Variants in TTLL1 observed in about 807,000 individuals in gnomAD.
The protein encoded by TTLL1 is TTL family tubulin polyglutamylase complex subunit L1.
TTLL1 carries 33 observed loss-of-function variants against 47.8 expected under a neutral mutation model. The ratio of observed to expected loss-of-function variants is 0.69; its 90% CI spans 0.52 to 0.92. The LOEUF (loss-of-function observed/expected upper bound fraction) is 0.92, where lower values mean the gene tolerates loss of function less well. Among genes scored for constraint, TTLL1 ranks in the 40% least tolerant of loss-of-function variants. The pLI, the probability that TTLL1 is intolerant of heterozygous loss-of-function variation, is 0.00. For synonymous variants in TTLL1, 225 were observed against 214.1 expected, an observed-to-expected ratio of 1.05 and a Z score of -0.45; for missense variants, 488 against 547.5, an observed-to-expected ratio of 0.89 and a Z score of 1.08.
intron 2 of TTLL1, among the ~76,000 whole-genome samples, chr22:43,077,358 A>G (rs1928575567): frequency 6.6e-6 from 1 of 151,772 alleles, no homozygotes; most frequent in Non-Finnish European, 1.5e-5. Flanking sequence ...GCCGCCTCCC[A>G]CTCATCTGCC....
intron 9 of TTLL1, among the ~76,000 whole-genome samples, chr22:43,051,309 G>A (rs748347845): frequency 2.6e-5 from 4 of 152,216 alleles, no homozygotes; most frequent in African/African-American, 2.4e-5. Context: ...TAGCCAACAC[G>A]ACATCCTCTC....
At chr22:43,076,325 G>A (rs1236141487) in intron 2 of TTLL1, among the ~76,000 whole-genome samples, 1 of 152,080 alleles carries the variant, frequency 6.6e-6, no homozygotes, top group Non-Finnish European at 1.5e-5. Context: ...GTGTGGTTGT[G>A]CGCACCCGTA....
intron 8 of TTLL1, among the ~76,000 whole-genome samples, chr22:43,059,103 C>T (rs1321183952): frequency 2.0e-5 from 3 of 152,238 alleles, no homozygotes; most frequent in African/African-American, 7.2e-5. Flanking sequence ...GATTCTCCTG[C>T]CTCAGCCTCC....
At chr22:43,062,491 T>TA (rs1218241432) in intron 7 of TTLL1, among the ~76,000 whole-genome samples, 18,962 of 126,160 alleles carry the variant, frequency 0.15, 1,920 homozygotes, top group East Asian at 0.42. Flanking sequence ...CTCTGTCTCT[T>TA]AAAAAAAAAA....
intron 1 of TTLL1, among the ~76,000 whole-genome samples, chr22:43,085,745 T>C (rs985733707): frequency 1.4e-4 from 21 of 152,100 alleles, no homozygotes; most frequent in African/African-American, 5.1e-4. Flanking sequence ...ATGAGGAAAA[T>C]GGGGGCCAGA....
intron 3 of TTLL1, among the ~76,000 whole-genome samples, chr22:43,071,598 C>T (rs1304657985): frequency 2.0e-5 from 3 of 151,602 alleles, no homozygotes; most frequent in South Asian, 2.1e-4. Flanking sequence ...TTAGTAGAGA[C>T]GGGGTTTTGC....
At chr22:43,064,476 A>G (rs1927599836) in intron 5 of TTLL1, 152 bp from the exon 6 acceptor site, 4 of 895,478 alleles carry the variant, frequency 4.5e-6, no homozygotes, top group South Asian at 1.9e-5. Context: ...CTGTAATCCC[A>G]GCACTTTGGG....
At chr22:43,057,891 C>T (rs552553570) in intron 8 of TTLL1, among the ~76,000 whole-genome samples, 2 of 151,388 alleles carry the variant, frequency 1.3e-5, no homozygotes, top group African/African-American at 2.4e-5. Flanking sequence ...GAGTCATATG[C>T]GAGTAACAAA....
intron 2 of TTLL1, among the ~76,000 whole-genome samples, chr22:43,076,043 G>T (rs183435711): frequency 6.6e-6 from 1 of 152,330 alleles, no homozygotes; most frequent in Admixed American, 6.5e-5. Context: ...CCCTGAGAAG[G>T]GGACCCTCGG....
chr22:43,085,480 T>C (rs747261139), intron 1 of TTLL1, among the ~76,000 whole-genome samples: 23 of 152,002 alleles, frequency 1.5e-4, no homozygotes, highest in Non-Finnish European at 3.1e-4. Flanking sequence ...ATCATGGGAG[T>C]GGTTCCCCCG....
chr22:43,068,575 G>GC lies in TTLL1; in HGVS notation c.337_338insG (p.Thr113SerfsTer7), dbSNP rs1322698939. On this transcript the variant is annotated frameshift_variant, in exon 5 of 11. Coordinates refer to ENST00000266254, the MANE Select transcript of TTLL1 (RefSeq NM_012263.5). LOFTEE classifies it high-confidence loss of function. ...GTTGTAGTCAGCGGGCAGCATATAG[G>GC]TGACTGGAACAAAGTCTGCAAGGCA... 1 of 1,502,112 alleles carries GC rather than the reference G, an allele frequency of 6.7e-7. No homozygotes were observed. Among genetic ancestry groups the GC allele is most frequent in the East Asian group, 2.4e-5 (1 of 41,814 alleles). The allele number at this position is 1,502,112 out of a possible 1,614,324, so 93.0% of individuals were successfully genotyped here.
chr22:43,040,174 T>G, intron 10 of TTLL1: 2 of 341,242 alleles, frequency 5.9e-6, no homozygotes, highest in South Asian at 3.7e-5. Flanking sequence ...TGGTCTCCCC[T>G]CGGAAGCTGA....
chr22:43,041,187 A>G (rs1309747380), intron 10 of TTLL1: 3 of 152,194 alleles, frequency 2.0e-5, no homozygotes, highest in Admixed American at 1.3e-4. Flanking sequence ...TCTGATTTCT[A>G]ATTCGGAGTT....
intron 9 of TTLL1, among the ~76,000 whole-genome samples, chr22:43,049,791 GA>G (rs60752792): frequency 0.58 from 83,290 of 143,120 alleles, 25,366 homozygotes; most frequent in East Asian, 0.82. Context: ...AAAAAGAAAA[GA>G]AAAAAAAAAA....
chr22:43,085,676 T>C (rs920545968), intron 1 of TTLL1, among the ~76,000 whole-genome samples: 1 of 152,246 alleles, frequency 6.6e-6, no homozygotes, highest in South Asian at 2.1e-4. Context: ...GTTTTGGGTA[T>C]GTCTTTATTA....
At chr22:43,085,883 TGGGCTGGCTCAGGAGC>T (rs1226921388) in intron 1 of TTLL1, among the ~76,000 whole-genome samples, 3 of 151,938 alleles carry the variant, frequency 2.0e-5, no homozygotes, top group East Asian at 1.9e-4. Context: ...GGCAGCAGAG[TGGGCTGGCTCAGGAGC>T]GGGCTGGCTC....
At chr22:43,070,686 A>T (rs1277707113) in intron 3 of TTLL1, among the ~76,000 whole-genome samples, 1 of 151,340 alleles carries the variant, frequency 6.6e-6, no homozygotes, top group Non-Finnish European at 1.5e-5. Context: ...GCGTTAAGGG[A>T]CCCCCATTGC....
chr22:43,062,360 G>A (rs1485756431), intron 7 of TTLL1, among the ~76,000 whole-genome samples: 7 of 151,860 alleles, frequency 4.6e-5, no homozygotes, highest in Middle Eastern at 3.4e-3. Context: ...GCGTGGTGGC[G>A]CACGCCTGTG....
intron 1 of TTLL1, among the ~76,000 whole-genome samples, chr22:43,080,318 G>A (rs544944459): frequency 6.6e-6 from 1 of 152,112 alleles, no homozygotes. Flanking sequence ...GCCTCCCAAA[G>A]TGCTGGATTT....
Sources: allele counts gnomAD v4.1 joint callset (sites outside exome capture counted in the v4.1 genomes callset), GRCh38; gene constraint gnomAD v4.1.1; transcripts MANE v1.5; gene names NCBI Gene and HGNC (gene_info 2026-07-23, HGNC 2026-07-21).